Variants in SERPINI2 observed in about 807,000 individuals in gnomAD.
SERPINI2 encodes the protein serpin family I member 2, also known as serpin I2.
Under a neutral mutation model 47.3 loss-of-function variants are expected in SERPINI2, and 48 were observed. The ratio of observed to expected loss-of-function variants is 1.02; its 90% CI spans 0.81 to 1.29. The LOEUF is 1.29. SERPINI2 is among the 50% of genes most tolerant of loss of function. SERPINI2 has a pLI of 0.00. For missense variants in SERPINI2, 448 were observed against 456.9 expected (o/e 0.98, Z 0.18); for synonymous variants, 135 against 149.3 (o/e 0.90, Z 0.70).
chr3:167,467,056 A>C (rs775517768), exon 3 of SERPINI2: 2 of 1,590,966 alleles, frequency 1.3e-6, no homozygotes, highest in South Asian at 2.3e-5. Flanking sequence ...AAACTTTACC[A>C]TCTGTTTTTC....
intron 7 of SERPINI2, chr3:167,447,103 A>C (rs1278690302): frequency 6.6e-6 from 1 of 152,160 alleles, no homozygotes; most frequent in Non-Finnish European, 1.5e-5. Flanking sequence ...GAAAATATAA[A>C]AAGTTAGATA....
intron 2 of SERPINI2, among the ~76,000 whole-genome samples, chr3:167,471,075 T>C (rs867621029): frequency 6.6e-6 from 1 of 151,906 alleles, no homozygotes; most frequent in Non-Finnish European, 1.5e-5. Flanking sequence ...ATGAGGTGCA[T>C]TTTTTTTAAG....
upstream of SERPINI2, among the ~76,000 whole-genome samples, chr3:167,475,723 C>CGGGGGG (rs141289108): frequency 3.6e-5 from 5 of 139,690 alleles, no homozygotes; most frequent in African/African-American, 1.3e-4. Context: ...CCTAGAAAAT[C>CGGGGGG]GGGGTGGGGG....
intron 4 of SERPINI2, 33 bp from the exon 5 acceptor site, chr3:167,465,431 T>A: frequency 6.2e-7 from 1 of 1,603,706 alleles, no homozygotes; most frequent in South Asian, 1.1e-5. Context: ...TCAAATATAC[T>A]TGGCAATTCT....
At chr3:167,476,093 T>C (rs367602261), upstream of SERPINI2, among the ~76,000 whole-genome samples, 2 of 151,854 alleles carry the variant, frequency 1.3e-5, no homozygotes, top group South Asian at 2.1e-4. Flanking sequence ...AGTGTAAATA[T>C]AAGTAATACA....
rs751436952 is a variant in SERPINI2, at chr3:167,467,217, T to A, written c.316A>T (p.Asn106Tyr). The A allele has an allele frequency of 6.2e-7, 1 of 1,613,388 alleles. No individual in the cohort carries two copies. Among genetic ancestry groups the A allele is most frequent in the East Asian group, 2.2e-5 (1 of 44,790 alleles). ...TGAAGGTAGAGGGCATTGGCAAGAT[T>A]AAATGTAAATTCTTGTTTTTTCTCT... The change falls in exon 3 of 9, where the codon AAT becomes TAT. Residue 106 changes from asparagine (N) to tyrosine (Y), a missense_variant. Coordinates refer to ENST00000264677, the Ensembl canonical transcript of SERPINI2.
At chr3:167,442,297 G>T in intron 8 of SERPINI2, 112 bp from the exon 9 acceptor site, 1 of 685,298 alleles carries the variant, frequency 1.5e-6, no homozygotes, top group Non-Finnish European at 2.3e-6. Flanking sequence ...TTCTCTGTAA[G>T]ATAAATAGGC....
intron 5 of SERPINI2, among the ~76,000 whole-genome samples, chr3:167,457,482 C>T (rs1049252232): frequency 6.6e-6 from 1 of 152,190 alleles, no homozygotes; most frequent in Admixed American, 6.5e-5. Flanking sequence ...TCACCAGTTC[C>T]TTACTATTCC....
At chr3:167,474,182 T>C (rs369042516), upstream of SERPINI2, 9 of 957,386 alleles carry the variant, frequency 9.4e-6, no homozygotes, top group East Asian at 5.7e-4. Context: ...ACTAACACAA[T>C]CGGGTTAATG....
intron 7 of SERPINI2, among the ~76,000 whole-genome samples, chr3:167,447,766 A>G (rs927105869): frequency 2.0e-5 from 3 of 152,206 alleles, no homozygotes; most frequent in African/African-American, 7.2e-5. Context: ...TGTCTACATG[A>G]TCCAGCAATT....
chr3:167,455,328 A>C (rs13064438), intron 5 of SERPINI2, among the ~76,000 whole-genome samples: 4 of 152,044 alleles, frequency 2.6e-5, no homozygotes, highest in Non-Finnish European at 5.9e-5. Flanking sequence ...AGATCTCACA[A>C]AGGGAAAAGC....
chr3:167,474,079 C>T, exon 1 of SERPINI2: 1 of 1,023,090 alleles, frequency 9.8e-7, no homozygotes, highest in Non-Finnish European at 1.2e-6. Flanking sequence ...TACATAAACA[C>T]CTGAGCGATC....
intron 2 of SERPINI2, 150 bp downstream of exon 2, chr3:167,471,438 A>C (rs1750316032): frequency 7.0e-6 from 5 of 709,842 alleles, no homozygotes; most frequent in Non-Finnish European, 8.5e-6. Context: ...ATGAATGAAA[A>C]TTACATTTAC....
In SERPINI2 at chr3:167,442,191, G is replaced by T; in HGVS notation, c.1142-6C>A. On this transcript the variant is annotated splice_polypyrimidine_tract_variant and splice_region_variant and intron_variant, in intron 8 of 8. Transcript: ENST00000264677. ...TCCCATAAACAGAATTGATTCTAGG[G>T]AAAAAAAAACAAAAAAATATACTTT... The T allele has an allele frequency of 6.6e-7, 1 of 1,503,902 alleles. No individual in the cohort carries two copies. The highest frequency in any genetic ancestry group is 8.9e-7 in the Non-Finnish European group (1 of 1,118,412). 93.2% of individuals were successfully genotyped at this position (1,503,902 alleles called of 1,614,324 possible).
intron 6 of SERPINI2, among the ~76,000 whole-genome samples, chr3:167,452,325 C>T (rs955442710): frequency 5.3e-5 from 8 of 152,206 alleles, no homozygotes; most frequent in Middle Eastern, 3.4e-3. Flanking sequence ...CACTGAGACT[C>T]GAAGAATTCA....
chr3:167,471,740 T>TC lies in SERPINI2; in HGVS notation c.94dup (p.Asp32GlyfsTer11). 1 of 1,613,716 alleles carries TC rather than the reference T, an allele frequency of 6.2e-7. No individual in the cohort carries two copies. The highest frequency in any genetic ancestry group is 8.5e-7 in the Non-Finnish European group (1 of 1,179,780). On this transcript the variant is annotated frameshift_variant, in exon 2 of 9. Transcript: ENST00000264677. LOFTEE classifies it high-confidence loss of function. ...AGATAAGGAAACCTCTTGATAAAGA[T>TC]CCACTGCAAATTCGGTATTTTTTTG... is the stretch of plus-strand genomic sequence containing the variant.
At chr3:167,449,508 T>C (rs1200987534) in intron 6 of SERPINI2, 106 bp from the exon 7 acceptor site, 1 of 537,924 alleles carries the variant, frequency 1.9e-6, no homozygotes, top group Non-Finnish European at 2.9e-6. Context: ...ATTTATTTAT[T>C]TTTTGAGATG....
rs1003083614 is a variant in SERPINI2 at position 167,442,047 on chromosome 3, G to A, written c.*62C>T. 1.5e-5 allele frequency: 19 copies of A among 1,276,574 alleles called. No individual in the cohort carries two copies. In the Admixed American group the frequency reaches 2.6e-4, roughly 17 times the overall value. 79.1% of individuals were successfully genotyped at this position (1,276,574 alleles called of 1,614,324 possible). A position where few individuals can be genotyped will look rare whatever the true frequency, so the allele number is the denominator to read the frequency against. ...ATAGAGCAAATATTGTCAAGATGACGATATTTTGCCAATCAGCTATTTTTG... is the reference window on the plus strand; with the variant it reads ...ATAGAGCAAATATTGTCAAGATGACAATATTTTGCCAATCAGCTATTTTTG... On this transcript the variant is annotated 3_prime_UTR_variant, in exon 9 of 9. Coordinates refer to ENST00000264677, the Ensembl canonical transcript of SERPINI2.
chr3:167,470,904 C>T (rs962129282), intron 2 of SERPINI2, among the ~76,000 whole-genome samples: 9 of 151,962 alleles, frequency 5.9e-5, no homozygotes, highest in South Asian at 2.1e-4. Context: ...TAGACACTAT[C>T]CCAGACAGTC....
Sources: gnomAD v4.1 joint callset for allele counts (sites outside exome capture counted in the v4.1 genomes callset) on GRCh38, gnomAD v4.1.1 for gene constraint, MANE v1.5 for transcripts, NCBI Gene and HGNC (gene_info 2026-07-23, HGNC 2026-07-21) for gene names.